Variants in SAP30BP observed in about 807,000 individuals in gnomAD.
The protein encoded by SAP30BP is SAP30-binding protein.
In SAP30BP, 31 loss-of-function variants were observed where a neutral mutation model predicts 46.3. The observed-to-expected ratio is 0.67, with a 90% CI of 0.50 to 0.90. The LOEUF is 0.90. Ranked by LOEUF, SAP30BP falls within the 40% of genes least tolerant of loss-of-function variation. SAP30BP has a pLI of 0.00. For missense variants in SAP30BP, 312 were observed against 391.0 expected (o/e 0.80, Z 1.70); for synonymous variants, 169 against 144.2 (o/e 1.17, Z -1.23).
chr17:75,701,387 G>A (rs979154345), intron 5 of SAP30BP, among the ~76,000 whole-genome samples: 2 of 152,134 alleles, frequency 1.3e-5, no homozygotes, highest in Admixed American at 6.5e-5. Flanking sequence ...CTCTTCATTG[G>A]CACTGGGTCA....
rs1411906785 is a variant in SAP30BP, at chr17:75,706,037, C to T, written c.690C>T (p.Gly230=). 1.2e-6 allele frequency: 2 copies of T among 1,613,682 alleles called. No individual in the cohort carries two copies. Among genetic ancestry groups the T allele is most frequent in the African/African-American group, 2.7e-5 (2 of 74,920 alleles). The change falls in exon 10 of 11, where the codon GGC becomes GGT. Residue 230 remains glycine (G), a synonymous_variant. Coordinates refer to ENST00000584667, the MANE Select transcript of SAP30BP (RefSeq NM_013260.8). This position sits in a 1 kb window ranked among gnomAD's most constrained non-coding sequence, Gnocchi z 4.6. The stretch of plus-strand genomic sequence containing the variant: ...AGTTTGTGACGGGCACCAAAAAAGG[C>T]ACCACGACCAACGCCACGTCCACCA... The part of the protein sequence containing the change: ...KIEFVTGTKK[G]TTTNATSTTT...
At position 75,706,066 on chromosome 17, in the gene SAP30BP, C is replaced by G; in HGVS notation, c.719C>G (p.Thr240Ser). 6.2e-7 allele frequency: 1 copy of G among 1,613,176 alleles called. No individual in the cohort carries two copies. Residue 240 changes from threonine (T) to serine (S), a missense_variant, in exon 10 of 11, where the codon ACT becomes AGT. Physicochemically the swap from Thr to Ser is moderately conservative, Grantham distance 58. Transcript: ENST00000584667. This position sits in a 1 kb window ranked among gnomAD's most constrained non-coding sequence, Gnocchi z 4.6. The part of the protein sequence containing the change: ...GTTTNATSTT[T>S]TTASTAVADA... ...ACGACCAACGCCACGTCCACCACCA[C>G]TACCACTGCCAGCACAGCTGTTGCA...
At chr17:75,704,150 G>C (rs1211834978) in intron 8 of SAP30BP, among the ~76,000 whole-genome samples, 1 of 152,238 alleles carries the variant, frequency 6.6e-6, no homozygotes, top group African/African-American at 2.4e-5. Context: ...ATCTAATCTG[G>C]CCAAAGGGAT....
At chr17:75,691,506 AC>A in intron 3 of SAP30BP, 1 of 456,228 alleles carries the variant, frequency 2.2e-6, no homozygotes, top group South Asian at 1.5e-5. Flanking sequence ...CTGGCCTCTT[AC>A]TTTACCTAAG....
At chr17:75,693,343 T>A in intron 3 of SAP30BP, 97 bp from the exon 4 acceptor site, 1 of 1,071,004 alleles carries the variant, frequency 9.3e-7, no homozygotes, top group Admixed American at 1.9e-5. Context: ...GTGCTTTTAC[T>A]TTTTCTCCTT....
intron 2 of SAP30BP, 111 bp downstream of exon 2, chr17:75,668,736 C>T (rs1202494919): frequency 2.9e-6 from 2 of 686,196 alleles, no homozygotes; most frequent in Non-Finnish European, 4.9e-6. Flanking sequence ...CCTTGCTCTC[C>T]CGTTTTGTTT....
At chr17:75,703,604 C>T in intron 7 of SAP30BP, 7 of 639,312 alleles carry the variant, frequency 1.1e-5, no homozygotes, top group Non-Finnish European at 2.0e-5. Flanking sequence ...TGTGGACCTG[C>T]TGCTCCTGGG....
chr17:75,678,364 T>C (rs1303344078), intron 3 of SAP30BP, among the ~76,000 whole-genome samples: 2 of 152,122 alleles, frequency 1.3e-5, no homozygotes, highest in African/African-American at 4.8e-5. Context: ...TGATACTTGA[T>C]ACAATGTAAA....
intron 3 of SAP30BP, among the ~76,000 whole-genome samples, chr17:75,680,743 A>G (rs1047488533): frequency 1.3e-5 from 2 of 152,196 alleles, no homozygotes; most frequent in African/African-American, 4.8e-5. Flanking sequence ...ACAAAAAGAA[A>G]TGCCTAATGG....
rs1250883594 is a variant in SAP30BP at position 75,706,773 on chromosome 17, G to A, written c.*252G>A. 9.3e-6 allele frequency: 5 copies of A among 536,460 alleles called. No homozygotes were observed. Among genetic ancestry groups the A allele is most frequent in the African/African-American group, 3.8e-5 (2 of 52,966 alleles). The allele number at this position is 536,460 out of a possible 1,614,324, so 33.2% of individuals were successfully genotyped here. On this transcript the variant is annotated 3_prime_UTR_variant, in exon 11 of 11. Coordinates refer to ENST00000584667, the MANE Select transcript of SAP30BP (RefSeq NM_013260.8). The surrounding 1 kb of genome is among the most constrained non-coding windows in gnomAD (Gnocchi z 4.6). ...CGTATTCTTACCTCTTGGCATCTCAGATGCACTGGCCTCTCCTGCATTCTG... is the reference window on the plus strand; with the variant it reads ...CGTATTCTTACCTCTTGGCATCTCAAATGCACTGGCCTCTCCTGCATTCTG...
intron 7 of SAP30BP, 144 bp from the exon 8 acceptor site, chr17:75,703,664 C>A: frequency 1.3e-6 from 1 of 770,122 alleles, no homozygotes; most frequent in Non-Finnish European, 2.3e-6. Flanking sequence ...CACTTGCCAG[C>A]CGCCCCTTGG....
Position 75,707,952 on chromosome 17 carries a change from G to A in SAP30BP, c.*1431G>A, listed in dbSNP as rs1438897148. 1 of 152,226 alleles carries A rather than the reference G, an allele frequency of 6.6e-6. No homozygotes were observed. Among genetic ancestry groups the A allele is most frequent in the Non-Finnish European group, 1.5e-5 (1 of 68,040 alleles). The allele number at this position is 152,226 out of a possible 1,614,324, so 9.4% of individuals were successfully genotyped here. A position where few individuals can be genotyped will look rare whatever the true frequency, so the allele number is the denominator to read the frequency against. ...GAGTGGTCTCAAGCCCTTAACCTCT[G>A]TAAGCCTGTTTCTTCTCTGAAATCA... On this transcript the variant is annotated 3_prime_UTR_variant, in exon 11 of 11. Transcript: ENST00000584667.
At position 75,707,054 on chromosome 17, in the gene SAP30BP, C is replaced by T; in HGVS notation, c.*533C>T. ...TCGGGTGATGGTGGAGCTGTGCTCC[C>T]TTGAGTGCACTTGAGCACTCCCCAG... On this transcript the variant is annotated 3_prime_UTR_variant, in exon 11 of 11. Coordinates refer to ENST00000584667, the MANE Select transcript of SAP30BP (RefSeq NM_013260.8). 6.0e-6 allele frequency: 1 copy of T among 166,702 alleles called. No individual in the cohort carries two copies. Among genetic ancestry groups the T allele is most frequent in the East Asian group, 1.6e-4 (1 of 6,078 alleles). 10.3% of individuals were successfully genotyped at this position (166,702 alleles called of 1,614,324 possible). A position where few individuals can be genotyped will look rare whatever the true frequency, so the allele number is the denominator to read the frequency against.
chr17:75,705,591 C>T, intron 9 of SAP30BP: 1 of 1,029,730 alleles, frequency 9.7e-7, no homozygotes, highest in Non-Finnish European at 1.2e-6. Context: ...CTCTCTTTCC[C>T]TCTCCCTTCC....
rs1051062154 is a variant in SAP30BP at position 75,706,628 on chromosome 17, G to A, written c.*107G>A. On this transcript the variant is annotated 3_prime_UTR_variant, in exon 11 of 11. Transcript: ENST00000584667. This position sits in a 1 kb window ranked among gnomAD's most constrained non-coding sequence, Gnocchi z 4.6. ...CAGGACTGGGACCTACTCCCCAGAT[G>A]CCACCTGAGAGGAGCTTCTGTTTGG... 13 of 1,051,092 alleles carry A rather than the reference G, an allele frequency of 1.2e-5. No homozygotes were observed. The African/African-American group carries it at 1.3e-4, about 10-fold the overall frequency. The allele number at this position is 1,051,092 out of a possible 1,614,324, so 65.1% of individuals were successfully genotyped here. A position where few individuals can be genotyped will look rare whatever the true frequency, so the allele number is the denominator to read the frequency against.
intron 4 of SAP30BP, among the ~76,000 whole-genome samples, chr17:75,693,759 C>A (rs757332973): frequency 1.2e-4 from 19 of 152,200 alleles, no homozygotes; most frequent in South Asian, 4.1e-4. Context: ...CAGCTGGGAG[C>A]GTGTCTTGGT....
chr17:75,676,933 C>T (rs1317670185), intron 3 of SAP30BP, among the ~76,000 whole-genome samples: 1 of 152,048 alleles, frequency 6.6e-6, no homozygotes, highest in Non-Finnish European at 1.5e-5. Context: ...GTATACCCCA[C>T]GGATAAGGGG....
At chr17:75,704,088 T>C (rs1318112237) in intron 8 of SAP30BP, among the ~76,000 whole-genome samples, 1 of 151,812 alleles carries the variant, frequency 6.6e-6, no homozygotes, top group East Asian at 1.9e-4. Flanking sequence ...CATCGATGAG[T>C]GTTGGTGATG....
intron 4 of SAP30BP, 150 bp from the exon 5 acceptor site, chr17:75,699,633 C>T (rs1043013554): frequency 1.1e-5 from 6 of 537,562 alleles, no homozygotes; most frequent in South Asian, 4.8e-5. Flanking sequence ...CAGATGACAC[C>T]TCAGAGAGGC....
Sources: gnomAD v4.1 joint callset for allele counts (sites outside exome capture counted in the v4.1 genomes callset) on GRCh38, gnomAD v4.1.1 for gene constraint, Gnocchi (gnomAD v3.1) non-coding constraint, MANE v1.5 for transcripts, NCBI Gene and HGNC (gene_info 2026-07-23, HGNC 2026-07-21) for gene names.